Variants in TAFA2 observed in about 807,000 individuals in gnomAD.
TAFA2 encodes the protein chemokine-like protein TAFA-2.
TAFA2 carries 7 observed loss-of-function variants against 18.8 expected under a neutral mutation model. The observed-to-expected ratio is 0.37, with a 90% CI of 0.21 to 0.70. TAFA2 has a LOEUF of 0.70. Ranked by LOEUF, TAFA2 falls within the 30% of genes least tolerant of loss-of-function variation. The pLI is 0.53. For synonymous variants in TAFA2, 60 were observed against 54.2 expected, an observed-to-expected ratio of 1.11 and a Z score of -0.47; for missense variants, 122 against 158.1, an observed-to-expected ratio of 0.77 and a Z score of 1.23.
At chr12:61,903,187 C>T (rs368878323) in intron 1 of TAFA2, among the ~76,000 whole-genome samples, 14 of 152,262 alleles carry the variant, frequency 9.2e-5, no homozygotes, top group African/African-American at 3.1e-4. Context: ...TGTACTATGA[C>T]TTACAATAAA....
At chr12:61,853,249 T>C (rs1873751170) in intron 2 of TAFA2, among the ~76,000 whole-genome samples, 1 of 152,132 alleles carries the variant, frequency 6.6e-6, no homozygotes, top group African/African-American at 2.4e-5. Flanking sequence ...TTACAAAGCA[T>C]CTGCTTTGTA....
At position 61,874,315 on chromosome 12, in the gene TAFA2, A is replaced by T. The variant is rs942956420; in HGVS notation, c.-1-6889T>A. ...GGTTTCTAAACTTTGTCTGAACTGA[A>T]ACACTTGTTTTAAAATGCTCATTAA... On this transcript the variant is annotated intron_variant, in intron 1 of 4. Transcript: ENST00000416284. Among the ~76,000 whole-genome samples the T allele has an allele frequency of 2.6e-5, 4 of 152,152 alleles. No individual in the cohort carries two copies. In the East Asian group the frequency reaches 7.7e-4, roughly 29 times the overall value.
At chr12:61,714,263 C>A (rs1022581305) in intron 4 of TAFA2, among the ~76,000 whole-genome samples, 7 of 152,110 alleles carry the variant, frequency 4.6e-5, no homozygotes, top group African/African-American at 1.7e-4. Flanking sequence ...TTTCCAAAGG[C>A]AATATTTTAC....
In TAFA2 at chr12:61,997,379, G is replaced by C. The variant is rs143758816; in HGVS notation, c.-1-129953C>G. Among the ~76,000 whole-genome samples the C allele has an allele frequency of 2.6e-5, 4 of 152,214 alleles. No individual in the cohort carries two copies. The East Asian group carries it at 7.7e-4, about 29-fold the overall frequency. On this transcript the variant is annotated intron_variant, in intron 1 of 4. Transcript: ENST00000416284. ...ATCCGAGGCAAAGGGAACTGCAAGG[G>C]TAAAGACCTGCTATTAGTAATGAGC...
intron 4 of TAFA2, among the ~76,000 whole-genome samples, chr12:61,714,949 T>C (rs528218375): frequency 6.6e-6 from 1 of 152,348 alleles, no homozygotes; most frequent in Admixed American, 6.5e-5. Flanking sequence ...ATCCTTGCCT[T>C]ATCACTTTCT....
intron 1 of TAFA2, among the ~76,000 whole-genome samples, chr12:62,000,975 C>T (rs372013379): frequency 1.3e-5 from 2 of 152,124 alleles, no homozygotes; most frequent in Non-Finnish European, 1.5e-5. Context: ...AAGTAAAAAG[C>T]CACAGGACCA....
chr12:62,121,276 G>A (rs570943755), intron 1 of TAFA2, among the ~76,000 whole-genome samples: 101 of 152,146 alleles, frequency 6.6e-4, no homozygotes, highest in South Asian at 2.7e-3. Context: ...TATTCCTGCC[G>A]GGGGAGTGAG....
chr12:61,781,332 A>G (rs900551090), intron 2 of TAFA2, among the ~76,000 whole-genome samples: 1 of 151,766 alleles, frequency 6.6e-6, no homozygotes, highest in African/African-American at 2.4e-5. Flanking sequence ...GTTCTGCCTC[A>G]TCTACCTCCA....
At chr12:62,099,078 A>G (rs756380755) in intron 1 of TAFA2, among the ~76,000 whole-genome samples, 4 of 152,210 alleles carry the variant, frequency 2.6e-5, no homozygotes, top group Non-Finnish European at 4.4e-5. Context: ...TACATGTCAT[A>G]AAAGACCTAA....
At chr12:61,805,940 A>G (rs1201785454) in intron 2 of TAFA2, among the ~76,000 whole-genome samples, 2 of 152,154 alleles carry the variant, frequency 1.3e-5, no homozygotes, top group Non-Finnish European at 2.9e-5. Flanking sequence ...AACACTAACT[A>G]CAAACATATC....
chr12:61,920,765 C>T lies in TAFA2; in HGVS notation c.-1-53339G>A, dbSNP rs148901309. ...GGGTAATGGAAAAAAAAATTCCTCC[C>T]CTATGCTACATACAATGTACAATTT... On this transcript the variant is annotated intron_variant, in intron 1 of 4. Coordinates refer to ENST00000416284, the MANE Select transcript of TAFA2 (RefSeq NM_178539.5). Among the ~76,000 whole-genome samples, 284 of 152,048 alleles carry T rather than the reference C, an allele frequency of 1.9e-3. 1 individual carries two copies. The highest frequency in any genetic ancestry group is 0.014 in the Middle Eastern group (4 of 292).
chr12:62,124,693 T>C (rs1000061484), intron 1 of TAFA2, among the ~76,000 whole-genome samples: 1 of 152,194 alleles, frequency 6.6e-6, no homozygotes, highest in Non-Finnish European at 1.5e-5. Flanking sequence ...AATATTATTT[T>C]CCTTAAGATA....
Position 61,997,167 on chromosome 12 carries a change from A to G in TAFA2, c.-1-129741T>C, listed in dbSNP as rs3031096. On this transcript the variant is annotated intron_variant, in intron 1 of 4. Coordinates refer to ENST00000416284, the MANE Select transcript of TAFA2 (RefSeq NM_178539.5). ...GATACATACTAGACTATATGTATAT[A>G]TGTGTGTGTGTGTGTGTGTGTGTGT... Among the ~76,000 whole-genome samples, 535 of 145,626 alleles carry G rather than the reference A, an allele frequency of 3.7e-3. 1 individual carries two copies. The highest frequency in any genetic ancestry group is 8.7e-3 in the African/African-American group (344 of 39,354).
At chr12:62,109,523 A>C (rs904487298) in intron 1 of TAFA2, among the ~76,000 whole-genome samples, 1 of 152,148 alleles carries the variant, frequency 6.6e-6, no homozygotes, top group East Asian at 1.9e-4. Context: ...GAAGAAAGTC[A>C]TTGGTAGCTT....
intron 2 of TAFA2, among the ~76,000 whole-genome samples, chr12:61,777,460 C>G (rs1013461587): frequency 6.6e-6 from 1 of 151,710 alleles, no homozygotes; most frequent in African/African-American, 2.4e-5. Flanking sequence ...TCCTATTATC[C>G]TTGTGAAAGC....
At chr12:62,110,611 G>GGTTT (rs1869679929) in intron 1 of TAFA2, among the ~76,000 whole-genome samples, 1 of 87,390 alleles carries the variant, frequency 1.1e-5, no homozygotes, top group East Asian at 4.3e-4. Context: ...CTGGTCCTGG[G>GGTTT]CTTTTTTTTT....
At chr12:61,748,376 G>A (rs1868836876) in intron 4 of TAFA2, among the ~76,000 whole-genome samples, 1 of 152,084 alleles carries the variant, frequency 6.6e-6, no homozygotes, top group South Asian at 2.1e-4. Context: ...CTGGAAGTGA[G>A]ATGAAGACAA....
chr12:62,082,929 T>G (rs1340661220), intron 1 of TAFA2, among the ~76,000 whole-genome samples: 1 of 152,194 alleles, frequency 6.6e-6, no homozygotes, highest in Non-Finnish European at 1.5e-5. Context: ...TTTTTTCCAT[T>G]TAATCCTTGC....
Position 61,943,820 on chromosome 12 carries a change from T to A in TAFA2, c.-1-76394A>T, listed in dbSNP as rs1375848612. On this transcript the variant is annotated intron_variant, in intron 1 of 4. Coordinates refer to ENST00000416284, the MANE Select transcript of TAFA2 (RefSeq NM_178539.5). ...TTCATAAAGCAAGTCCTGAGTGACCTACAAAGAGACTTAGACTCCCACACA... is the reference window on the plus strand; with the variant it reads ...TTCATAAAGCAAGTCCTGAGTGACCAACAAAGAGACTTAGACTCCCACACA... 6.9e-5 allele frequency among the ~76,000 whole-genome samples: 8 copies of A among 116,546 alleles called. 1 individual carries two copies. In the East Asian group the frequency reaches 1.8e-3, roughly 27 times the overall value. The allele number at this position is 116,546 out of a possible 152,430, so 76.5% of individuals were successfully genotyped here. A position where few individuals can be genotyped will look rare whatever the true frequency, so the allele number is the denominator to read the frequency against.
Sources: allele counts gnomAD v4.1 joint callset (sites outside exome capture counted in the v4.1 genomes callset), GRCh38; gene constraint gnomAD v4.1.1; transcripts MANE v1.5; gene names NCBI Gene and HGNC (gene_info 2026-07-23, HGNC 2026-07-21).